Variants in NKAP observed in about 807,000 individuals in gnomAD.
NKAP encodes the protein NF-kappa-B-activating protein.
In NKAP, 4 loss-of-function variants were observed where a neutral mutation model predicts 35.6. That is an observed-to-expected ratio of 0.11 (90% CI 0.06 to 0.26). The LOEUF is 0.26. Among genes scored for constraint, NKAP ranks in the 10% least tolerant of loss-of-function variants. NKAP has a pLI of 1.00. For synonymous variants in NKAP, 106 were observed against 119.2 expected (o/e 0.89, Z 0.72); for missense variants, 238 against 321.9 (o/e 0.74, Z 1.99).
Position 119,925,036 on chromosome X carries a change from C to A in NKAP, c.*184G>T. Reference sequence around the variant, plus strand: ...AGTTACTATGGTCAATCCAAAATAACCCAAAGAACTTGCTAAAGTTATATC... The same window carrying A: ...AGTTACTATGGTCAATCCAAAATAAACCAAAGAACTTGCTAAAGTTATATC... On this transcript the variant is annotated 3_prime_UTR_variant, in exon 9 of 9. Transcript: ENST00000371410. The A allele has an allele frequency of 2.1e-6, 1 of 481,483 alleles. No individual in the cohort carries two copies. The allele number at this position is 481,483 out of a possible 1,213,427, so 39.7% of individuals were successfully genotyped here. A position where few individuals can be genotyped will look rare whatever the true frequency, so the allele number is the denominator to read the frequency against.
At chrX:119,925,811 G>C (rs2056708066) in intron 8 of NKAP, among the ~76,000 whole-genome samples, 1 of 109,790 alleles carries the variant, frequency 9.1e-6, no homozygotes, top group Non-Finnish European at 1.9e-5. Context: ...GCCTCCCAAA[G>C]TGCTGAGATT....
At chrX:119,929,902 C>T (rs1307554809) in intron 8 of NKAP, 114 bp downstream of exon 8, 5 of 834,534 alleles carry the variant, frequency 6.0e-6, no homozygotes, top group Non-Finnish European at 6.6e-6. Context: ...TTATACTCTA[C>T]TTTTCATAAG....
chrX:119,938,203 A>C (rs773407147), intron 2 of NKAP: 1 of 111,360 alleles, frequency 9.0e-6, no homozygotes, highest in Non-Finnish European at 1.9e-5. Context: ...AACATGGTGA[A>C]ACCGCCGTCT....
chrX:119,927,186 G>C (rs12396181), intron 8 of NKAP, among the ~76,000 whole-genome samples: 1 of 107,083 alleles, frequency 9.3e-6, no homozygotes, highest in African/African-American at 3.4e-5. Context: ...CATAATCTCG[G>C]CTTATTGCAA....
chrX:119,934,430 C>CAAAA (rs369386190), intron 5 of NKAP, 64 bp downstream of exon 5: 6,410 of 182,739 alleles, frequency 0.035, 288 homozygotes, highest in African/African-American at 0.13. Flanking sequence ...GACTCTGTCT[C>CAAAA]AAAAAAAAAA....
chrX:119,925,059 A>G lies in NKAP; in HGVS notation c.*161T>C. The G allele has an allele frequency of 1.9e-6, 1 of 530,866 alleles. No homozygotes were observed. 43.7% of individuals were successfully genotyped at this position (530,866 alleles called of 1,213,427 possible). A position where few individuals can be genotyped will look rare whatever the true frequency, so the allele number is the denominator to read the frequency against. On this transcript the variant is annotated 3_prime_UTR_variant, in exon 9 of 9. Coordinates refer to ENST00000371410, the MANE Select transcript of NKAP (RefSeq NM_024528.4). ...AACCCAAAGAACTTGCTAAAGTTAT[A>G]TCAATAAGCAGCTTTTTATTGAAGG...
Position 119,936,472 on chromosome X carries a change from A to G in NKAP, c.539-41T>C, listed in dbSNP as rs202240003. On this transcript the variant is annotated intron_variant, in intron 3 of 8. Transcript: ENST00000371410. ...TTAAAAAATTATATTCTAAAAAACTATTTCTGAACATCAAAAGAAACAGAC... is the reference window on the plus strand; with the variant it reads ...TTAAAAAATTATATTCTAAAAAACTGTTTCTGAACATCAAAAGAAACAGAC... 532 of 1,036,401 alleles carry G rather than the reference A, an allele frequency of 5.1e-4. 5 individuals carry two copies. The highest frequency in any genetic ancestry group is 6.6e-5 in the Non-Finnish European group (51 of 770,708). 85.4% of individuals were successfully genotyped at this position (1,036,401 alleles called of 1,213,427 possible). A position where few individuals can be genotyped will look rare whatever the true frequency, so the allele number is the denominator to read the frequency against.
intron 2 of NKAP, chrX:119,937,771 C>T (rs778492179): frequency 9.1e-6 from 1 of 110,220 alleles, no homozygotes; most frequent in East Asian, 2.9e-4. Flanking sequence ...AGGAATCCAC[C>T]TGCCTTGGCC....
rs2056692787 is a variant in NKAP, at chrX:119,922,583, C to T, written c.*2637G>A. ...TCTCTACTAACTATACAAAAATTAG[C>T]TGGGCATGGTGGTGCACACTGGTAG... On this transcript the variant is annotated 3_prime_UTR_variant, in exon 9 of 9. Transcript: ENST00000371410. 3 of 110,677 alleles carry T rather than the reference C, an allele frequency of 2.7e-5. No individual in the cohort carries two copies. Among genetic ancestry groups the T allele is most frequent in the African/African-American group, 9.8e-5 (3 of 30,514 alleles). The allele number at this position is 110,677 out of a possible 1,213,427, so 9.1% of individuals were successfully genotyped here.
chrX:119,940,038 C>CA (rs771116870), intron 1 of NKAP, among the ~76,000 whole-genome samples: 1 of 107,913 alleles, frequency 9.3e-6, no homozygotes, highest in South Asian at 4.3e-4. Flanking sequence ...TTTCATTTAA[C>CA]AAAAAATATA....
intron 8 of NKAP, among the ~76,000 whole-genome samples, chrX:119,928,537 A>T (rs1394795819): frequency 1.2e-4 from 14 of 112,062 alleles, no homozygotes; most frequent in African/African-American, 4.5e-4. Flanking sequence ...TAAACAATCA[A>T]ATCATTCACC....
chrX:119,922,387 C>T lies in NKAP; in HGVS notation c.*2833G>A, dbSNP rs1161112590. On this transcript the variant is annotated 3_prime_UTR_variant, in exon 9 of 9. Transcript: ENST00000371410. ...GTTGCGGGTTAAAAGTAGACATTTC[C>T]TGGAACATATATTTAATAGTATTTA... 1 of 112,010 alleles carries T rather than the reference C, an allele frequency of 8.9e-6. No homozygotes were observed. Among genetic ancestry groups the T allele is most frequent in the East Asian group, 2.8e-4 (1 of 3,607 alleles). 9.2% of individuals were successfully genotyped at this position (112,010 alleles called of 1,213,427 possible). A position where few individuals can be genotyped will look rare whatever the true frequency, so the allele number is the denominator to read the frequency against.
chrX:119,941,512 A>G (rs2056792958), intron 1 of NKAP, among the ~76,000 whole-genome samples: 1 of 112,583 alleles, frequency 8.9e-6, no homozygotes, highest in African/African-American at 3.2e-5. Flanking sequence ...AGAGAGGTTA[A>G]GTAACTTGAC....
At chrX:119,941,454 C>A (rs1603380892) in intron 1 of NKAP, among the ~76,000 whole-genome samples, 1 of 99,952 alleles carries the variant, frequency 1.0e-5, no homozygotes, top group Non-Finnish European at 2.0e-5. Context: ...CCTTTTTAAT[C>A]CATAGTACTT....
At position 119,925,169 on chromosome X, in the gene NKAP, C is replaced by T. The variant is rs370881475; in HGVS notation, c.*51G>A. 459 of 1,161,557 alleles carry T rather than the reference C, an allele frequency of 4.0e-4. No homozygotes were observed. Among genetic ancestry groups the T allele is most frequent in the Non-Finnish European group, 3.8e-4 (330 of 861,185 alleles). Reference sequence around the variant, plus strand: ...TCTTTTTCTATGTATGTGTGGAACCCAGACTTTCTTTTTTGTTGTTAAAAA... The same window carrying T: ...TCTTTTTCTATGTATGTGTGGAACCTAGACTTTCTTTTTTGTTGTTAAAAA... On this transcript the variant is annotated 3_prime_UTR_variant, in exon 9 of 9. Coordinates refer to ENST00000371410, the MANE Select transcript of NKAP (RefSeq NM_024528.4).
chrX:119,939,262 A>T (rs894142300), intron 1 of NKAP, among the ~76,000 whole-genome samples: 1 of 109,709 alleles, frequency 9.1e-6, no homozygotes, highest in Admixed American at 9.6e-5. Context: ...GAAGTTCTGA[A>T]AATGAAAGAA....
intron 8 of NKAP, among the ~76,000 whole-genome samples, chrX:119,925,946 A>T (rs563998393): frequency 3.2e-3 from 125 of 39,095 alleles, no homozygotes; most frequent in Non-Finnish European, 3.5e-3. Context: ...TTTTTTTTTT[A>T]ATTTTTTTTT....
chrX:119,928,807 C>G (rs1243356371), intron 8 of NKAP, among the ~76,000 whole-genome samples: 5 of 111,585 alleles, frequency 4.5e-5, no homozygotes, highest in Non-Finnish European at 9.4e-5. Flanking sequence ...GTGATCCACC[C>G]AACTATGCCT....
chrX:119,925,778 C>T (rs912229172), intron 8 of NKAP, among the ~76,000 whole-genome samples: 3 of 109,492 alleles, frequency 2.7e-5, no homozygotes, highest in Non-Finnish European at 5.7e-5. Context: ...GAACTCCTGA[C>T]CTCAAGTAAT....
Sources: gnomAD v4.1 joint callset for allele counts (sites outside exome capture counted in the v4.1 genomes callset) on GRCh38, gnomAD v4.1.1 for gene constraint, MANE v1.5 for transcripts, NCBI Gene and HGNC (gene_info 2026-07-23, HGNC 2026-07-21) for gene names.